STARD13: variants seen among roughly 807,000 people sequenced by gnomAD.
The protein encoded by STARD13 is StAR related lipid transfer domain containing 13, also known as stAR-related lipid transfer protein 13.
A neutral mutation model predicts 106.4 loss-of-function variants in STARD13; 62 were observed. The observed-to-expected ratio is 0.58, with a 90% CI of 0.48 to 0.72. STARD13 has a LOEUF of 0.72. Ranked by LOEUF, STARD13 falls within the 30% of genes least tolerant of loss-of-function variation. The probability of loss-of-function intolerance (pLI) is 0.00; values close to 1 mark genes in which losing one functional copy is unlikely to be tolerated. For synonymous variants in STARD13, 565 were observed against 553.0 expected (o/e 1.02, Z -0.31); for missense variants, 1,387 against 1,424.0 (o/e 0.97, Z 0.42).
At chr13:33,481,240 A>C in the STARD13 span, among the ~76,000 whole-genome samples, 1 of 152,190 alleles carries the variant, frequency 6.6e-6, no homozygotes, top group African/African-American at 2.4e-5. Flanking sequence ...AATTAATAGA[A>C]TATACTAATG....
chr13:33,628,184 CA>C, the STARD13 span, among the ~76,000 whole-genome samples: 3,273 of 146,826 alleles, frequency 0.022, 131 homozygotes, highest in African/African-American at 0.083. Flanking sequence ...CACACACACA[CA>C]CACACACCAC....
chr13:33,218,712 A>G (rs1566081034), intron 1 of STARD13, among the ~76,000 whole-genome samples: 2 of 152,262 alleles, frequency 1.3e-5, no homozygotes, highest in Non-Finnish European at 1.5e-5. Flanking sequence ...TTAACACAGC[A>G]GAGTACTATA....
the STARD13 span, among the ~76,000 whole-genome samples, chr13:33,438,879 A>G: frequency 2.0e-5 from 3 of 152,236 alleles, no homozygotes; most frequent in Non-Finnish European, 4.4e-5. Context: ...GGGTAGCATC[A>G]GACTATTGCT....
the STARD13 span, among the ~76,000 whole-genome samples, chr13:33,387,191 G>A: frequency 6.6e-6 from 1 of 152,168 alleles, no homozygotes; most frequent in Non-Finnish European, 1.5e-5. Context: ...TAGTTTTAGA[G>A]ATTGGATTGT....
chr13:33,185,099 T>C (rs1410267612), intron 1 of STARD13, among the ~76,000 whole-genome samples: 1 of 152,168 alleles, frequency 6.6e-6, no homozygotes, highest in Non-Finnish European at 1.5e-5. Flanking sequence ...AGAGAGATGA[T>C]CTATTTATTT....
chr13:33,594,629 T>G, the STARD13 span, among the ~76,000 whole-genome samples: 1 of 152,326 alleles, frequency 6.6e-6, no homozygotes, highest in African/African-American at 2.4e-5. Flanking sequence ...CCAGAACTTT[T>G]TACCTTCTCA....
chr13:33,364,717 G>A, the STARD13 span, among the ~76,000 whole-genome samples: 1 of 152,148 alleles, frequency 6.6e-6, no homozygotes, highest in African/African-American at 2.4e-5. Context: ...GTGAAACCCC[G>A]TCTGTACTAA....
At chr13:33,354,185 C>T (rs564028775), upstream of STARD13, among the ~76,000 whole-genome samples, 1 of 152,222 alleles carries the variant, frequency 6.6e-6, no homozygotes, top group South Asian at 2.1e-4. Flanking sequence ...TCCTGAGTAA[C>T]TGATTTAGTT....
chr13:33,619,148 A>G, the STARD13 span, among the ~76,000 whole-genome samples: 17 of 149,382 alleles, frequency 1.1e-4, no homozygotes, highest in African/African-American at 4.1e-4. Flanking sequence ...AAGCACCACA[A>G]CCTATAAGCA....
rs1566524142 is a variant in STARD13, at chr13:33,105,353, T to C, written c.*240A>G. The C allele has an allele frequency of 4.3e-6, 2 of 465,748 alleles. No homozygotes were observed. The highest frequency in any genetic ancestry group is 7.7e-6 in the Non-Finnish European group (2 of 259,866). 28.9% of individuals were successfully genotyped at this position (465,748 alleles called of 1,614,324 possible). ...GAATAGTCCATTTAATTTTAAGTAATATATATAAAGTTCTCATTTTAAAAT... is the reference window on the plus strand; with the variant it reads ...GAATAGTCCATTTAATTTTAAGTAACATATATAAAGTTCTCATTTTAAAAT... On this transcript the variant is annotated 3_prime_UTR_variant, in exon 14 of 14. Coordinates refer to ENST00000336934, the MANE Select transcript of STARD13 (RefSeq NM_178006.4).
intron 1 of STARD13, among the ~76,000 whole-genome samples, chr13:33,303,652 T>C (rs772552890): frequency 6.6e-6 from 1 of 152,318 alleles, no homozygotes; most frequent in East Asian, 1.9e-4. Context: ...CACTATATTC[T>C]GGCACTTAAA....
At chr13:33,312,517 CT>C (rs558516725) in intron 1 of STARD13, among the ~76,000 whole-genome samples, 4 of 152,302 alleles carry the variant, frequency 2.6e-5, no homozygotes, top group African/African-American at 9.6e-5. Context: ...CACATTTGTG[CT>C]TGACTCGGGA....
the STARD13 span, among the ~76,000 whole-genome samples, chr13:33,531,845 C>G: frequency 4.5e-3 from 686 of 152,242 alleles, 7 homozygotes; most frequent in Non-Finnish European, 5.7e-3. Context: ...AGGACACAGA[C>G]TATGACAGAA....
the STARD13 span, among the ~76,000 whole-genome samples, chr13:33,412,557 C>A: frequency 1.3e-5 from 2 of 151,834 alleles, 1 homozygote; most frequent in Middle Eastern, 6.3e-3. Context: ...ACAAAAGAAC[C>A]ACTTTATGCT....
chr13:33,348,123 G>A (rs2078035927), downstream of STARD13, among the ~76,000 whole-genome samples: 1 of 152,206 alleles, frequency 6.6e-6, no homozygotes, highest in African/African-American at 2.4e-5. Flanking sequence ...CATCCACTGT[G>A]AGCAGAGTGG....
At chr13:33,391,674 C>T in the STARD13 span, among the ~76,000 whole-genome samples, 3 of 152,032 alleles carry the variant, frequency 2.0e-5, no homozygotes, top group Admixed American at 6.5e-5. Flanking sequence ...GGAAATCAGC[C>T]GGGGAGCAGA....
At chr13:33,324,985 T>C (rs1351669742) in intron 1 of STARD13, among the ~76,000 whole-genome samples, 1 of 152,240 alleles carries the variant, frequency 6.6e-6, no homozygotes, top group Non-Finnish European at 1.5e-5. Flanking sequence ...TCTATTTTAC[T>C]GCCACTCATC....
the STARD13 span, among the ~76,000 whole-genome samples, chr13:33,576,413 T>A: frequency 1.3e-5 from 2 of 151,528 alleles, no homozygotes; most frequent in Non-Finnish European, 1.5e-5. Flanking sequence ...TTTTTTTTTT[T>A]AATAGAGACA....
chr13:33,593,331 C>T, the STARD13 span, among the ~76,000 whole-genome samples: 2 of 152,044 alleles, frequency 1.3e-5, no homozygotes, highest in South Asian at 2.1e-4. Flanking sequence ...ATTACAGGCA[C>T]CTGCCACCAC....
Sources: gnomAD v4.1 joint callset for allele counts (sites outside exome capture counted in the v4.1 genomes callset) on GRCh38, gnomAD v4.1.1 for gene constraint, MANE v1.5 for transcripts, NCBI Gene and HGNC (gene_info 2026-07-23, HGNC 2026-07-21) for gene names.